The following DLG1 variants were observed in gnomAD, a reference collection of about 807,000 sequenced individuals.
The protein encoded by DLG1 is discs large MAGUK scaffold protein 1.
DLG1 carries 42 observed loss-of-function variants against 123.4 expected under a neutral mutation model. That is an observed-to-expected ratio of 0.34 (90% CI 0.27 to 0.44). The LOEUF is 0.44. DLG1 is among the 20% of genes least tolerant of loss of function. The pLI is 1.00. For missense variants in DLG1, 942 were observed against 1,082.6 expected, an observed-to-expected ratio of 0.87 and a Z score of 1.82; for synonymous variants, 317 against 356.2, an observed-to-expected ratio of 0.89 and a Z score of 1.24.
intron 5 of DLG1, among the ~76,000 whole-genome samples, chr3:197,191,484 T>C (rs1390938589): frequency 6.6e-6 from 1 of 152,160 alleles, no homozygotes; most frequent in South Asian, 2.1e-4. Context: ...CCAAAATAAC[T>C]ACTAAAATAC....
At chr3:197,136,741 G>A (rs1164317240) in intron 9 of DLG1, 63 bp from the exon 10 acceptor site, 11 of 1,408,790 alleles carry the variant, frequency 7.8e-6, no homozygotes, top group South Asian at 1.4e-5. Flanking sequence ...GAAAGAAATG[G>A]TTGAAAACTA....
At chr3:197,108,309 C>T (rs1236726758) in intron 13 of DLG1, among the ~76,000 whole-genome samples, 14 of 152,136 alleles carry the variant, frequency 9.2e-5, no homozygotes, top group Non-Finnish European at 4.4e-5. Flanking sequence ...ACTGGCCACA[C>T]AGAATGAGCT....
At chr3:197,067,889 A>C (rs1299712699) in intron 19 of DLG1, among the ~76,000 whole-genome samples, 1 of 134,058 alleles carries the variant, frequency 7.5e-6, no homozygotes, top group Non-Finnish European at 1.6e-5. Flanking sequence ...TAACACACAC[A>C]CATCCCCCCT....
chr3:197,124,415 C>T (rs1450777386), intron 11 of DLG1, among the ~76,000 whole-genome samples: 2 of 152,136 alleles, frequency 1.3e-5, no homozygotes, highest in Non-Finnish European at 2.9e-5. Context: ...GTGGGGACTG[C>T]AGGCACTTGC....
chr3:197,204,154 A>C (rs573029330), intron 4 of DLG1, among the ~76,000 whole-genome samples: 1 of 152,328 alleles, frequency 6.6e-6, no homozygotes, highest in African/African-American at 2.4e-5. Context: ...AAATTATGTG[A>C]ATCAGTGTGA....
chr3:197,149,118 TCA>T lies in DLG1; in HGVS notation c.537+623_537+624del, dbSNP rs1332199441. 3.3e-5 allele frequency among the ~76,000 whole-genome samples: 5 copies of T among 152,338 alleles called. No individual in the cohort carries two copies. The South Asian group carries it at 1.0e-3, about 32-fold the overall frequency. On this transcript the variant is annotated intron_variant, in intron 6 of 24. Transcript: ENST00000667157. ...TGCAATTCAGTAGTTTCTAGTTTAT[TCA>T]CAGAGTTGTGCCATCATCATTACTT...
intron 4 of DLG1, among the ~76,000 whole-genome samples, chr3:197,268,953 T>A (rs542845029): frequency 5.3e-5 from 8 of 152,194 alleles, no homozygotes; most frequent in African/African-American, 1.9e-4. Flanking sequence ...ATCATCAGTA[T>A]CACTGGACAG....
intron 5 of DLG1, among the ~76,000 whole-genome samples, chr3:197,159,361 A>T (rs1797855876): frequency 6.6e-6 from 1 of 152,150 alleles, no homozygotes; most frequent in Admixed American, 6.5e-5. Context: ...GTTTTCATCT[A>T]TGTATCTTTC....
At position 197,043,626 on chromosome 3, in the gene DLG1, C is replaced by CAT. The variant is rs1721313660; in HGVS notation, c.*995_*996dup. The CAT allele has an allele frequency of 6.6e-6, 1 of 150,776 alleles. No homozygotes were observed. Among genetic ancestry groups the CAT allele is most frequent in the Non-Finnish European group, 1.5e-5 (1 of 67,740 alleles). The allele number at this position is 150,776 out of a possible 1,614,324, so 9.3% of individuals were successfully genotyped here. ...GCAACTATGTAAAGAAAATAATTCC[C>CAT]ATAGTTACAGTTTAAAGAAAGTTTT... On this transcript the variant is annotated 3_prime_UTR_variant, in exon 25 of 25. Coordinates refer to ENST00000667157, the MANE Select transcript of DLG1 (RefSeq NM_001366207.1).
chr3:197,289,888 C>T (rs1215902341), intron 3 of DLG1, among the ~76,000 whole-genome samples: 1 of 152,168 alleles, frequency 6.6e-6, no homozygotes, highest in Non-Finnish European at 1.5e-5. Flanking sequence ...ACTTTAGATA[C>T]TATTAGACTA....
At chr3:197,236,620 AGCAC>A (rs1472917704) in intron 4 of DLG1, among the ~76,000 whole-genome samples, 1 of 152,216 alleles carries the variant, frequency 6.6e-6, no homozygotes, top group Non-Finnish European at 1.5e-5. Flanking sequence ...TCTCTCCACT[AGCAC>A]TAGACCTAGT....
chr3:197,068,723 T>C (rs1399933887), intron 19 of DLG1, among the ~76,000 whole-genome samples: 1 of 152,190 alleles, frequency 6.6e-6, no homozygotes, highest in African/African-American at 2.4e-5. Flanking sequence ...GAAAAATTAG[T>C]ATTATTTTTC....
rs944222879 is a variant in DLG1 at position 197,297,905 on chromosome 3, G to C, written c.-32+631C>G. On this transcript the variant is annotated intron_variant, in intron 1 of 24. Transcript: ENST00000667157. Reference sequence around the variant, plus strand: ...TCCACGTACCCCCGCCCCGCCCGGGGCCCGCGGAGCCGAGCGGAGGGGGCG... The same window carrying C: ...TCCACGTACCCCCGCCCCGCCCGGGCCCCGCGGAGCCGAGCGGAGGGGGCG... 10 of 984,486 alleles carry C rather than the reference G, an allele frequency of 1.0e-5. No individual in the cohort carries two copies. The East Asian group carries it at 1.1e-3, about 112-fold the overall frequency. 61.0% of individuals were successfully genotyped at this position (984,486 alleles called of 1,614,324 possible). A position where few individuals can be genotyped will look rare whatever the true frequency, so the allele number is the denominator to read the frequency against.
chr3:197,071,712 G>A (rs754833783), intron 18 of DLG1, among the ~76,000 whole-genome samples: 1 of 152,098 alleles, frequency 6.6e-6, no homozygotes, highest in African/African-American at 2.4e-5. Flanking sequence ...TACTTGTCAG[G>A]GAAATGCAAA....
intron 23 of DLG1, among the ~76,000 whole-genome samples, chr3:197,052,982 CAG>C (rs1222786083): frequency 6.6e-6 from 1 of 152,172 alleles, no homozygotes; most frequent in African/African-American, 2.4e-5. Flanking sequence ...GTATGATAAT[CAG>C]TGACTTTTTG....
chr3:197,097,580 CTTTTTTTT>C (rs3051908), intron 14 of DLG1, among the ~76,000 whole-genome samples: 3 of 122,856 alleles, frequency 2.4e-5, no homozygotes, highest in South Asian at 5.2e-4. Flanking sequence ...TTTGTACTTT[CTTTTTTTT>C]TTTTTTTTTT....
At chr3:197,228,468 T>C (rs1383905167) in intron 4 of DLG1, among the ~76,000 whole-genome samples, 1 of 152,242 alleles carries the variant, frequency 6.6e-6, no homozygotes, top group Non-Finnish European at 1.5e-5. Context: ...TATGATAATA[T>C]TGTGCTATGA....
chr3:197,203,956 A>C (rs534890318), intron 4 of DLG1, among the ~76,000 whole-genome samples: 2 of 152,328 alleles, frequency 1.3e-5, no homozygotes, highest in South Asian at 4.1e-4. Context: ...AAAGAGTCAT[A>C]CTGGGTTAGG....
intron 24 of DLG1, among the ~76,000 whole-genome samples, chr3:197,047,557 G>A (rs1012136776): frequency 6.6e-6 from 1 of 151,042 alleles, no homozygotes; most frequent in South Asian, 2.1e-4. Context: ...AAAGGACAAG[G>A]CGAGTAAAAT....
Sources: gnomAD v4.1 joint callset for allele counts (sites outside exome capture counted in the v4.1 genomes callset) on GRCh38, gnomAD v4.1.1 for gene constraint, MANE v1.5 for transcripts, NCBI Gene and HGNC (gene_info 2026-07-23, HGNC 2026-07-21) for gene names.